The following MYO16 variants were observed in gnomAD, a reference collection of about 807,000 sequenced individuals.
The protein encoded by MYO16 is myosin XVI, also known as unconventional myosin-XVI.
In MYO16, 94 loss-of-function variants were observed where a neutral mutation model predicts 205.3. The observed-to-expected ratio is 0.46, with a 90% confidence interval of 0.39 to 0.54. The LOEUF (loss-of-function observed/expected upper bound fraction) is 0.54, where lower values mean the gene tolerates loss of function less well. Among genes scored for constraint, MYO16 ranks in the 20% least tolerant of loss-of-function variants. The pLI is 0.00. For missense variants in MYO16, 2,315 were observed against 2,387.5 expected (o/e 0.97, Z 0.63); for synonymous variants, 988 against 954.0 (o/e 1.04, Z -0.66).
At chr13:108,800,976 A>G (rs989750450) in intron 6 of MYO16, among the ~76,000 whole-genome samples, 9 of 152,246 alleles carry the variant, frequency 5.9e-5, no homozygotes, top group African/African-American at 1.9e-4. Context: ...AAATATGAAA[A>G]AAACACAGAA....
chr13:108,509,772 A>G, the MYO16 span, among the ~76,000 whole-genome samples: 3 of 152,210 alleles, frequency 2.0e-5, no homozygotes, highest in Non-Finnish European at 2.9e-5. Context: ...CATTATGCAC[A>G]TGTACCCTAA....
chr13:108,775,138 A>G (rs1480102166), intron 4 of MYO16, among the ~76,000 whole-genome samples: 1 of 152,226 alleles, frequency 6.6e-6, no homozygotes, highest in Non-Finnish European at 1.5e-5. Context: ...AATACATGAA[A>G]TTAACATCAG....
chr13:108,684,506 A>G (rs1882594900), intron 2 of MYO16, among the ~76,000 whole-genome samples: 1 of 152,124 alleles, frequency 6.6e-6, no homozygotes. Context: ...GGATCTGTAT[A>G]TATATTTGAT....
chr13:108,626,850 T>G (rs2139345269), upstream of MYO16, among the ~76,000 whole-genome samples: 1 of 147,376 alleles, frequency 6.8e-6, no homozygotes, highest in East Asian at 2.0e-4. Context: ...TGTGTGTATA[T>G]ATATATATGT....
At chr13:108,833,811 TA>T (rs772704950) in intron 9 of MYO16, among the ~76,000 whole-genome samples, 23 of 151,790 alleles carry the variant, frequency 1.5e-4, no homozygotes, top group Non-Finnish European at 2.9e-4. Context: ...TATTCTCATC[TA>T]TTTTTTTTCA....
At chr13:109,034,656 G>A (rs1203005148) in intron 23 of MYO16, among the ~76,000 whole-genome samples, 2 of 152,136 alleles carry the variant, frequency 1.3e-5, no homozygotes, top group Non-Finnish European at 2.9e-5. Context: ...TTTTTAAAAG[G>A]TTAGTCCCTG....
At chr13:108,905,286 G>A (rs550053619) in intron 15 of MYO16, among the ~76,000 whole-genome samples, 74 of 152,266 alleles carry the variant, frequency 4.9e-4, no homozygotes, top group African/African-American at 1.7e-3. Flanking sequence ...CCTTTCAGCT[G>A]CTTTTCAGGT....
At chr13:109,183,878 G>A (rs932101305) in intron 34 of MYO16, among the ~76,000 whole-genome samples, 1 of 152,160 alleles carries the variant, frequency 6.6e-6, no homozygotes. Flanking sequence ...AGATCAATAT[G>A]CAATTGATTC....
intron 20 of MYO16, among the ~76,000 whole-genome samples, chr13:108,970,429 A>G (rs1292364794): frequency 3.9e-5 from 6 of 152,200 alleles, no homozygotes; most frequent in African/African-American, 1.4e-4. Flanking sequence ...TAAATAAATC[A>G]CAGTTCTATG....
chr13:108,604,633 T>C (rs1172881208), intron 1 of MYO16, among the ~76,000 whole-genome samples: 1 of 152,228 alleles, frequency 6.6e-6, no homozygotes, highest in Non-Finnish European at 1.5e-5. Context: ...CTTTAATATA[T>C]AAATTCAGGT....
intron 22 of MYO16, among the ~76,000 whole-genome samples, chr13:109,019,384 AATG>A (rs1885943646): frequency 6.6e-6 from 1 of 152,292 alleles, no homozygotes; most frequent in Non-Finnish European, 1.5e-5. Flanking sequence ...GGTCAAGAAA[AATG>A]ATAATTTTCC....
At chr13:108,623,065 G>T (rs577505890) in intron 1 of MYO16, among the ~76,000 whole-genome samples, 120 of 152,214 alleles carry the variant, frequency 7.9e-4, no homozygotes, top group African/African-American at 2.8e-3. Context: ...TAAGCCCATG[G>T]GCCTGGGAGG....
At chr13:108,928,865 T>C (rs4773012) in intron 16 of MYO16, among the ~76,000 whole-genome samples, 52,401 of 152,076 alleles carry the variant, frequency 0.34, 10,393 homozygotes, top group African/African-American at 0.56. Flanking sequence ...ACAGTTATTT[T>C]AAAAATGGCC....
chr13:108,955,717 G>A (rs1249280911), intron 16 of MYO16, among the ~76,000 whole-genome samples: 2 of 152,172 alleles, frequency 1.3e-5, no homozygotes, highest in Non-Finnish European at 2.9e-5. Context: ...CGGGCACGGT[G>A]GCAGGCGCCT....
chr13:109,117,719 A>G (rs1288851578), intron 28 of MYO16, among the ~76,000 whole-genome samples: 3 of 152,132 alleles, frequency 2.0e-5, no homozygotes, highest in Non-Finnish European at 4.4e-5. Flanking sequence ...GAGTTGGTCA[A>G]CAGAGAAGCA....
intron 2 of MYO16, among the ~76,000 whole-genome samples, chr13:108,706,346 T>C (rs1883509987): frequency 6.6e-6 from 1 of 152,154 alleles, no homozygotes; most frequent in Non-Finnish European, 1.5e-5. Flanking sequence ...AAGAAAGGCC[T>C]AAGAGATATA....
Position 108,698,484 on chromosome 13 carries a change from C to G in MYO16, c.293-14177C>G, listed in dbSNP as rs1479904150. 3.9e-5 allele frequency among the ~76,000 whole-genome samples: 6 copies of G among 152,242 alleles called. No homozygotes were observed. The East Asian group carries it at 1.2e-3, about 29-fold the overall frequency. The stretch of plus-strand genomic sequence containing the variant: ...GATTTTTCTCAAATCTCACATCAGA[C>G]AAACACACAAAGGCTATATGAGCAC... On this transcript the variant is annotated intron_variant, in intron 2 of 34. Coordinates refer to ENST00000457511, the MANE Select transcript of MYO16 (RefSeq NM_001198950.3).
chr13:109,049,470 A>G (rs1887164165), intron 24 of MYO16, among the ~76,000 whole-genome samples: 1 of 152,130 alleles, frequency 6.6e-6, no homozygotes, highest in South Asian at 2.1e-4. Context: ...CTATATCTTC[A>G]TGCAGCCTGA....
chr13:108,611,446 C>A (rs367900506), intron 1 of MYO16, among the ~76,000 whole-genome samples: 2 of 152,142 alleles, frequency 1.3e-5, no homozygotes, highest in East Asian at 3.9e-4. Context: ...CAAATCAGAA[C>A]AACTTTTATG....
Sources: allele counts gnomAD v4.1 joint callset (sites outside exome capture counted in the v4.1 genomes callset), GRCh38; gene constraint gnomAD v4.1.1; transcripts MANE v1.5; gene names NCBI Gene and HGNC (gene_info 2026-07-23, HGNC 2026-07-21).